ST8SIA5: variants seen among roughly 807,000 people sequenced by gnomAD.
ST8SIA5 encodes ST8 alpha-N-acetyl-neuraminide alpha-2,8-sialyltransferase 5.
Under a neutral mutation model 40.2 loss-of-function variants are expected in ST8SIA5, and 24 were observed. The observed-to-expected ratio is 0.60, with a 90% CI of 0.43 to 0.84. ST8SIA5 has a LOEUF of 0.84. Among genes scored for constraint, ST8SIA5 ranks in the 40% least tolerant of loss-of-function variants. The pLI is 0.00. For synonymous variants in ST8SIA5, 198 were observed against 201.8 expected, an observed-to-expected ratio of 0.98 and a Z score of 0.16; for missense variants, 465 against 498.5, an observed-to-expected ratio of 0.93 and a Z score of 0.64.
chr18:46,720,823 A>G (rs2039854354), intron 1 of ST8SIA5, among the ~76,000 whole-genome samples: 1 of 152,130 alleles, frequency 6.6e-6, no homozygotes, highest in Non-Finnish European at 1.5e-5. Flanking sequence ...TTCAACAAAT[A>G]TTACTGATCA....
chr18:46,734,569 G>C (rs762444462), intron 1 of ST8SIA5, among the ~76,000 whole-genome samples: 16 of 152,210 alleles, frequency 1.1e-4, no homozygotes, highest in Admixed American at 2.6e-4. Flanking sequence ...AGCCTCTGCA[G>C]AGGAGAGGAG....
At chr18:46,710,326 T>G (rs2144509243) in intron 1 of ST8SIA5, among the ~76,000 whole-genome samples, 1 of 151,948 alleles carries the variant, frequency 6.6e-6, no homozygotes, top group South Asian at 2.1e-4. Flanking sequence ...TAAGGAGGCC[T>G]CCTTTCTTTT....
intron 1 of ST8SIA5, among the ~76,000 whole-genome samples, chr18:46,711,612 C>G (rs531864543): frequency 1.0e-3 from 152 of 152,274 alleles, no homozygotes; most frequent in Admixed American, 2.5e-3. Context: ...GAACAGCTGC[C>G]GTCTCGAGAT....
At chr18:46,684,228 G>T (rs1008932231) in intron 5 of ST8SIA5, among the ~76,000 whole-genome samples, 1 of 152,040 alleles carries the variant, frequency 6.6e-6, no homozygotes. Flanking sequence ...TCATATTATC[G>T]AGCTAGAGAA....
chr18:46,680,646 G>GC (rs2039385269), intron 6 of ST8SIA5, 136 bp from the exon 7 acceptor site: 12 of 866,142 alleles, frequency 1.4e-5, no homozygotes, highest in Non-Finnish European at 2.1e-5. Context: ...GACACCTCAC[G>GC]CACCTGTGCA....
chr18:46,726,014 G>GTATATATATATA (rs1568271505), intron 1 of ST8SIA5, among the ~76,000 whole-genome samples: 2 of 36,378 alleles, frequency 5.5e-5, no homozygotes, highest in Admixed American at 4.6e-4. Context: ...TATATATCCT[G>GTATATATATATA]GATATATATA....
Position 46,671,357 on chromosome 18 carries a change from G to A in ST8SIA5, c.*8685C>T, listed in dbSNP as rs1015778802. 6.6e-6 allele frequency: 1 copy of A among 151,616 alleles called. No homozygotes were observed. The highest frequency in any genetic ancestry group is 6.6e-5 in the Admixed American group (1 of 15,220). The allele number at this position is 151,616 out of a possible 1,614,324, so 9.4% of individuals were successfully genotyped here. A position where few individuals can be genotyped will look rare whatever the true frequency, so the allele number is the denominator to read the frequency against. On this transcript the variant is annotated 3_prime_UTR_variant, in exon 7 of 7. Coordinates refer to ENST00000315087, the MANE Select transcript of ST8SIA5 (RefSeq NM_013305.6). ...GAAAAGGAAATGCATAAAGAAGTGA[G>A]GCTCTAACCCTAGCTCCTGGGCTCA...
intron 3 of ST8SIA5, among the ~76,000 whole-genome samples, chr18:46,690,348 C>T (rs2039492652): frequency 6.6e-6 from 1 of 152,184 alleles, no homozygotes; most frequent in South Asian, 2.1e-4. Context: ...AGCATCTCAT[C>T]ATTGTTCCAT....
Position 46,719,682 on chromosome 18 carries a change from T to TTTTTCTTTCTTTCTTTCTTTCTTTC in ST8SIA5, c.132-15019_132-15018insGAAAGAAAGAAAGAAAGAAAGAAAA, listed in dbSNP as rs2039833227. On this transcript the variant is annotated intron_variant, in intron 1 of 6. Transcript: ENST00000315087. ...TTTCTATCTTTCTCTTTCTTTTCTT[T>TTTTTCTTTCTTTCTTTCTTTCTTTC]TTTCTTTCTTTCTTTCTTTCTTTCT... Among the ~76,000 whole-genome samples the TTTTTCTTTCTTTCTTTCTTTCTTTC allele has an allele frequency of 7.5e-5, 8 of 107,064 alleles. No individual in the cohort carries two copies. In the Admixed American group the frequency reaches 8.7e-4, roughly 12 times the overall value. 70.2% of individuals were successfully genotyped at this position (107,064 alleles called of 152,430 possible).
At chr18:46,704,727 G>A (rs371679996) in intron 1 of ST8SIA5, 63 bp from the exon 2 acceptor site, 6 of 1,346,796 alleles carry the variant, frequency 4.5e-6, no homozygotes, top group African/African-American at 1.4e-5. Flanking sequence ...GCCTGCAGGG[G>A]CTCTTGTTGC....
chr18:46,711,322 G>A (rs577231559), intron 1 of ST8SIA5, among the ~76,000 whole-genome samples: 1 of 152,220 alleles, frequency 6.6e-6, no homozygotes, highest in South Asian at 2.1e-4. Context: ...CCTCCCAATA[G>A]CCCTATGAGG....
intron 1 of ST8SIA5, among the ~76,000 whole-genome samples, chr18:46,733,957 G>A (rs1324442940): frequency 6.6e-6 from 1 of 152,122 alleles, no homozygotes; most frequent in African/African-American, 2.4e-5. Flanking sequence ...GTCTCTGTGG[G>A]CTGGGCCCAG....
Position 46,756,671 on chromosome 18 carries a change from T to G in ST8SIA5, c.-163A>C, listed in dbSNP as rs2040252313. 2.5e-6 allele frequency: 2 copies of G among 798,496 alleles called. No homozygotes were observed. Among genetic ancestry groups the G allele is most frequent in the Non-Finnish European group, 1.9e-6 (1 of 530,596 alleles). The allele number at this position is 798,496 out of a possible 1,614,324, so 49.5% of individuals were successfully genotyped here. A position where few individuals can be genotyped will look rare whatever the true frequency, so the allele number is the denominator to read the frequency against. On this transcript the variant is annotated 5_prime_UTR_variant, in exon 1 of 7. Transcript: ENST00000315087. ...AGTTTCTGGTTGGCGCGGCCGGAGC[T>G]GGGGGCATCCAAGCGTCGCAGGCGC...
intron 1 of ST8SIA5, among the ~76,000 whole-genome samples, chr18:46,724,040 T>A (rs1175964554): frequency 6.6e-6 from 1 of 152,164 alleles, no homozygotes; most frequent in Non-Finnish European, 1.5e-5. Context: ...AACTGATCCA[T>A]CCATATCTCC....
rs548505622 is a variant in ST8SIA5, at chr18:46,679,816, G to A, written c.*226C>T. The A allele has an allele frequency of 6.4e-5, 37 of 576,342 alleles. No individual in the cohort carries two copies. Among genetic ancestry groups the A allele is most frequent in the African/African-American group, 4.9e-4 (26 of 53,558 alleles). The allele number at this position is 576,342 out of a possible 1,614,324, so 35.7% of individuals were successfully genotyped here. A position where few individuals can be genotyped will look rare whatever the true frequency, so the allele number is the denominator to read the frequency against. On this transcript the variant is annotated 3_prime_UTR_variant, in exon 7 of 7. Coordinates refer to ENST00000315087, the MANE Select transcript of ST8SIA5 (RefSeq NM_013305.6). Reference sequence around the variant, plus strand: ...GCCAGGGCAGGTGGACGCACTGGGCGGATGCACCGGTGGGGGCCAGGCCAG... The same window carrying A: ...GCCAGGGCAGGTGGACGCACTGGGCAGATGCACCGGTGGGGGCCAGGCCAG...
chr18:46,742,111 A>T (rs963566411), intron 1 of ST8SIA5, among the ~76,000 whole-genome samples: 7 of 151,836 alleles, frequency 4.6e-5, no homozygotes, highest in African/African-American at 1.7e-4. Context: ...AAAAATAAAT[A>T]AATAAATAAA....
rs35310725 is a variant in ST8SIA5, at chr18:46,697,124, TAAAAAAA to T, written c.225-4876_225-4870del. ...GGAATCAGACTATTAGTTCCTCTGTTAAAAAAAAAAAAAAAAAAAGGTATCATTTACA... is the reference window on the plus strand; with the variant it reads ...GGAATCAGACTATTAGTTCCTCTGTTAAAAAAAAAAAAGGTATCATTTACA... On this transcript the variant is annotated intron_variant, in intron 2 of 6. Transcript: ENST00000315087. Among the ~76,000 whole-genome samples the T allele has an allele frequency of 8.6e-3, 1,097 of 126,828 alleles. 17 individuals carry two copies. Among genetic ancestry groups the T allele is most frequent in the African/African-American group, 0.031 (1,068 of 34,322 alleles). The allele number at this position is 126,828 out of a possible 152,430, so 83.2% of individuals were successfully genotyped here. A position where few individuals can be genotyped will look rare whatever the true frequency, so the allele number is the denominator to read the frequency against.
chr18:46,706,067 A>G (rs982376862), intron 1 of ST8SIA5, among the ~76,000 whole-genome samples: 3 of 152,054 alleles, frequency 2.0e-5, no homozygotes, highest in African/African-American at 7.2e-5. Flanking sequence ...TTGTCATTAA[A>G]ATAATACTGT....
chr18:46,732,191 G>A (rs1037421932), intron 1 of ST8SIA5, among the ~76,000 whole-genome samples: 7 of 152,244 alleles, frequency 4.6e-5, no homozygotes, highest in Admixed American at 4.6e-4. Context: ...GGCAGCCCCT[G>A]AGTTGCAGCA....
Sources: gnomAD v4.1 joint callset for allele counts (sites outside exome capture counted in the v4.1 genomes callset) on GRCh38, gnomAD v4.1.1 for gene constraint, MANE v1.5 for transcripts, NCBI Gene and HGNC (gene_info 2026-07-23, HGNC 2026-07-21) for gene names.